Variants in ZNF445 observed in about 807,000 individuals in gnomAD.
ZNF445 encodes the protein zinc finger protein 445.
In ZNF445, 19 loss-of-function variants were observed where a neutral mutation model predicts 93.9. The observed-to-expected ratio is 0.20, with a 90% CI of 0.14 to 0.30. The LOEUF is 0.30. ZNF445 is among the 10% of genes least tolerant of loss of function. ZNF445 has a pLI of 1.00. For missense variants in ZNF445, 1,058 were observed against 1,259.4 expected (o/e 0.84, Z 2.42); for synonymous variants, 449 against 446.3 (o/e 1.01, Z -0.08).
At position 44,434,843 on chromosome 3, in the gene ZNF445, T is replaced by G. The variant is rs570041166; in HGVS notation, c.*11732A>C. ...TGGTTGCTTGCTCTTTGTTATTTTT[T>G]CCCCCATGAAGCTGAAGGCCACGAT... On this transcript the variant is annotated 3_prime_UTR_variant, in exon 8 of 8. Coordinates refer to ENST00000396077, the MANE Select transcript of ZNF445 (RefSeq NM_181489.6). The G allele has an allele frequency of 1.6e-4, 24 of 152,278 alleles. 1 individual carries two copies. Among genetic ancestry groups the G allele is most frequent in the Admixed American group, 1.5e-3 (23 of 15,282 alleles). The allele number at this position is 152,278 out of a possible 1,614,324, so 9.4% of individuals were successfully genotyped here.
chr3:44,470,928 AG>A (rs531968030), intron 1 of ZNF445, among the ~76,000 whole-genome samples: 4 of 152,164 alleles, frequency 2.6e-5, no homozygotes, highest in Non-Finnish European at 5.9e-5. Context: ...AGATGTAAGG[AG>A]AAAAAAAAAC....
Position 44,436,292 on chromosome 3 carries a change from C to T in ZNF445, c.*10283G>A, listed in dbSNP as rs1244256382. Reference sequence around the variant, plus strand: ...ACAGATCTCTGTGGGTCAGACCATTCAGGATCCTGCTTTGGCTGCACTGTC... The same window carrying T: ...ACAGATCTCTGTGGGTCAGACCATTTAGGATCCTGCTTTGGCTGCACTGTC... On this transcript the variant is annotated 3_prime_UTR_variant, in exon 8 of 8. Transcript: ENST00000396077. The T allele has an allele frequency of 6.6e-6, 1 of 152,230 alleles. No individual in the cohort carries two copies. Among genetic ancestry groups the T allele is most frequent in the Non-Finnish European group, 1.5e-5 (1 of 68,046 alleles). 9.4% of individuals were successfully genotyped at this position (152,230 alleles called of 1,614,324 possible). A position where few individuals can be genotyped will look rare whatever the true frequency, so the allele number is the denominator to read the frequency against.
intron 1 of ZNF445, among the ~76,000 whole-genome samples, chr3:44,472,763 TC>T (rs1394725260): frequency 6.6e-6 from 1 of 152,178 alleles, no homozygotes; most frequent in African/African-American, 2.4e-5. Context: ...CACAGGCTTC[TC>T]CCAAGTCCCA....
rs776959698 is a variant in ZNF445, at chr3:44,447,511, A to G, written c.2160T>C (p.Tyr720=). The G allele has an allele frequency of 3.7e-6, 6 of 1,614,052 alleles. 1 individual carries two copies. In the South Asian group the frequency reaches 4.4e-5, roughly 12 times the overall value. The change falls in exon 8 of 8, where the codon TAT becomes TAC. Residue 720 remains tyrosine, a synonymous_variant. Transcript: ENST00000396077. This position sits in a 1 kb window ranked among gnomAD's most constrained non-coding sequence, Gnocchi z 4.7. The stretch of plus-strand genomic sequence containing the variant: ...TCTTATGAACAATAAAGGCTGACCT[A>G]TAGGCAAAGTCCTTCCCACAATCGC... The part of the protein sequence containing the change: ...QCSDCGKDFA[Y]RSAFIVHKKK...
At chr3:44,473,903 G>A (rs1380446955) in intron 1 of ZNF445, among the ~76,000 whole-genome samples, 1 of 152,106 alleles carries the variant, frequency 6.6e-6, no homozygotes, top group African/African-American at 2.4e-5. Flanking sequence ...CAGGGGAGAA[G>A]GGATAACTCT....
intron 1 of ZNF445, among the ~76,000 whole-genome samples, chr3:44,474,684 T>TA (rs1397768398): frequency 1.3e-5 from 2 of 152,204 alleles, no homozygotes; most frequent in Non-Finnish European, 2.9e-5. Context: ...AATGCTTAAA[T>TA]AAACTTTTAA....
rs1336958028 is a variant in ZNF445, at chr3:44,450,443, T to C, written c.820+4A>G. 6.2e-6 allele frequency: 10 copies of C among 1,614,136 alleles called. No individual in the cohort carries two copies. Among genetic ancestry groups the C allele is most frequent in the Non-Finnish European group, 8.5e-6 (10 of 1,180,014 alleles). ...ATAGAAGCATGAGGATATCGATTAC[T>C]TACCCAGGGAAGCCATGTTCCTATA... On this transcript the variant is annotated splice_donor_region_variant and intron_variant, in intron 6 of 7. Transcript: ENST00000396077.
intron 1 of ZNF445, among the ~76,000 whole-genome samples, chr3:44,471,886 G>A (rs1698274149): frequency 6.6e-6 from 1 of 151,714 alleles, no homozygotes; most frequent in Non-Finnish European, 1.5e-5. Context: ...AATGAAAGAA[G>A]AAATAAAGTA....
At position 44,448,542 on chromosome 3, in the gene ZNF445, C is replaced by G; in HGVS notation, c.1129G>C (p.Glu377Gln). The change falls in exon 8 of 8, where the codon GAG becomes CAG. Residue 377 changes from glutamate (E) to glutamine (Q), a missense_variant. Transcript: ENST00000396077. ...CCTGTCCTGTGACTGAAATTGGTCT[C>G]TTCTTTCTTAACTCTTACTTGTATG... Reference protein sequence around the residue: ...NPIQVRVKKEETNFSHRTGKD... With the variant: ...NPIQVRVKKEQTNFSHRTGKD... The G allele has an allele frequency of 6.2e-7, 1 of 1,614,086 alleles. No individual in the cohort carries two copies. The highest frequency in any genetic ancestry group is 1.3e-5 in the African/African-American group (1 of 75,030).
chr3:44,464,750 A>G (rs1035917124), intron 1 of ZNF445, among the ~76,000 whole-genome samples: 1 of 152,172 alleles, frequency 6.6e-6, no homozygotes, highest in Admixed American at 6.6e-5. Context: ...AAAAAGAGTC[A>G]GACCTTATCA....
chr3:44,470,530 A>C (rs1182873463), intron 1 of ZNF445, among the ~76,000 whole-genome samples: 2 of 152,230 alleles, frequency 1.3e-5, no homozygotes, highest in East Asian at 3.8e-4. Flanking sequence ...TCCTAAAAGA[A>C]AAGAAAATTG....
At position 44,435,326 on chromosome 3, in the gene ZNF445, A is replaced by T. The variant is rs1191356664; in HGVS notation, c.*11249T>A. ...TGCAAAACCCATGTCACAGTGATTG[A>T]TTTACTGTGTGAGAACAGAACAAAC... On this transcript the variant is annotated 3_prime_UTR_variant, in exon 8 of 8. Transcript: ENST00000396077. The T allele has an allele frequency of 6.6e-6, 1 of 152,174 alleles. No individual in the cohort carries two copies. Among genetic ancestry groups the T allele is most frequent in the Admixed American group, 6.5e-5 (1 of 15,272 alleles). The allele number at this position is 152,174 out of a possible 1,614,324, so 9.4% of individuals were successfully genotyped here.
rs1008447809 is a variant in ZNF445 at position 44,432,621 on chromosome 3, C to T, written c.*13954G>A. The T allele has an allele frequency of 6.6e-6, 1 of 152,216 alleles. No individual in the cohort carries two copies. The highest frequency in any genetic ancestry group is 2.4e-5 in the African/African-American group (1 of 41,414). 9.4% of individuals were successfully genotyped at this position (152,216 alleles called of 1,614,324 possible). On this transcript the variant is annotated 3_prime_UTR_variant, in exon 8 of 8. Transcript: ENST00000396077. Reference sequence around the variant, plus strand: ...CCACCCACAGATAGAGGGCAATCTGCTTTCCTCAAAGTCCACAAATTTAAA... The same window carrying T: ...CCACCCACAGATAGAGGGCAATCTGTTTTCCTCAAAGTCCACAAATTTAAA...
At position 44,440,552 on chromosome 3, in the gene ZNF445, TAG is replaced by T. The variant is rs1463980219; in HGVS notation, c.*6021_*6022del. 1 of 152,238 alleles carries T rather than the reference TAG, an allele frequency of 6.6e-6. No homozygotes were observed. The highest frequency in any genetic ancestry group is 2.4e-5 in the African/African-American group (1 of 41,462). 9.4% of individuals were successfully genotyped at this position (152,238 alleles called of 1,614,324 possible). On this transcript the variant is annotated 3_prime_UTR_variant, in exon 8 of 8. Coordinates refer to ENST00000396077, the MANE Select transcript of ZNF445 (RefSeq NM_181489.6). ...GCCTGGTATTTCATCATAGATGTAC[TAG>T]AGTTACTTAAGCGTTCGTTTACTAA...
intron 1 of ZNF445, among the ~76,000 whole-genome samples, chr3:44,469,534 T>G (rs1435548477): frequency 1.3e-5 from 2 of 152,058 alleles, no homozygotes; most frequent in African/African-American, 4.8e-5. Context: ...TTTGGGAGGC[T>G]AAGGCTGGCA....
At chr3:44,456,371 C>T (rs568824094) in intron 2 of ZNF445, among the ~76,000 whole-genome samples, 10 of 151,972 alleles carry the variant, frequency 6.6e-5, no homozygotes, top group Admixed American at 2.0e-4. Context: ...GAACCAAGAT[C>T]GTGCCACTGC....
chr3:44,472,562 A>G (rs2125686272), intron 1 of ZNF445, among the ~76,000 whole-genome samples: 1 of 152,344 alleles, frequency 6.6e-6, no homozygotes, highest in South Asian at 2.1e-4. Context: ...ATTCAGGGCG[A>G]ATGCCTGTGA....
chr3:44,475,828 G>A (rs1385642613), intron 1 of ZNF445, among the ~76,000 whole-genome samples: 6 of 151,886 alleles, frequency 4.0e-5, no homozygotes, highest in South Asian at 2.1e-4. Flanking sequence ...GTGAAACCCC[G>A]TCTTTACTTA....
chr3:44,446,655 A>AG lies in ZNF445; in HGVS notation c.3015dup (p.Phe1006LeufsTer25), dbSNP rs1302368220. 6.2e-7 allele frequency: 1 copy of AG among 1,614,116 alleles called. No homozygotes were observed. The highest frequency in any genetic ancestry group is 8.5e-7 in the Non-Finnish European group (1 of 1,180,056). ...GTCTTTCCACACTTGCTGCATTTGA[A>AG]GGGCCTCTCTCGAGTATGAAATCTC... On this transcript the variant is annotated frameshift_variant, in exon 8 of 8. Transcript: ENST00000396077. LOFTEE classifies it high-confidence loss of function. This position sits in a 1 kb window ranked among gnomAD's most constrained non-coding sequence, Gnocchi z 4.2.
Sources: allele counts gnomAD v4.1 joint callset (sites outside exome capture counted in the v4.1 genomes callset), GRCh38; gene constraint gnomAD v4.1.1; non-coding constraint Gnocchi (gnomAD v3.1); transcripts MANE v1.5; gene names NCBI Gene and HGNC (gene_info 2026-07-23, HGNC 2026-07-21).